GNA14: variants seen among roughly 807,000 people sequenced by gnomAD.
GNA14 encodes G protein subunit alpha 14.
A neutral mutation model predicts 42.0 loss-of-function variants in GNA14; 50 were observed. The ratio of observed to expected loss-of-function variants is 1.19; its 90% CI spans 0.95 to 1.51. GNA14 has a LOEUF of 1.51. GNA14 is among the 40% of genes most tolerant of loss of function. The pLI, the probability that GNA14 is intolerant of heterozygous loss-of-function variation, is 0.00. For synonymous variants in GNA14, 173 were observed against 163.1 expected (o/e 1.06, Z -0.46); for missense variants, 473 against 446.2 (o/e 1.06, Z -0.54).
At chr9:77,583,485 C>T (rs73651553) in intron 1 of GNA14, among the ~76,000 whole-genome samples, 286 of 152,314 alleles carry the variant, frequency 1.9e-3, no homozygotes, top group African/African-American at 5.7e-3. Flanking sequence ...TGGAATTTTA[C>T]TCGTTTTATG....
chr9:77,437,579 AGGAAG>A (rs1184176536), intron 2 of GNA14, among the ~76,000 whole-genome samples: 7 of 151,202 alleles, frequency 4.6e-5, no homozygotes, highest in African/African-American at 7.3e-5. Context: ...AGAGAGAGAG[AGGAAG>A]GGAAGGGAAG....
chr9:77,531,861 C>T (rs867427436), intron 1 of GNA14, among the ~76,000 whole-genome samples: 1 of 151,774 alleles, frequency 6.6e-6, no homozygotes, highest in South Asian at 2.1e-4. Context: ...AAAAAGAAAA[C>T]GTTAGAAGTG....
At chr9:77,620,750 G>A (rs765948851) in intron 1 of GNA14, among the ~76,000 whole-genome samples, 16 of 151,164 alleles carry the variant, frequency 1.1e-4, no homozygotes, top group Non-Finnish European at 1.9e-4. Context: ...TGGAGGCTGA[G>A]GCAGGAGAAT....
intron 1 of GNA14, among the ~76,000 whole-genome samples, chr9:77,642,027 C>T (rs554774866): frequency 1.9e-4 from 29 of 151,624 alleles, no homozygotes; most frequent in Admixed American, 9.8e-4. Context: ...AAAAAGTAAA[C>T]AAACAAAAAA....
intron 2 of GNA14, among the ~76,000 whole-genome samples, chr9:77,471,370 C>G (rs145991180): frequency 6.6e-6 from 1 of 152,160 alleles, no homozygotes; most frequent in African/African-American, 2.4e-5. Context: ...GAATAGGGGC[C>G]TCCCTAAAAT....
rs894888805 is a variant in GNA14 at position 77,552,500 on chromosome 9, C to T, written c.125-23247G>A. Among the ~76,000 whole-genome samples the T allele has an allele frequency of 2.6e-5, 4 of 152,142 alleles. No individual in the cohort carries two copies. In the South Asian group the frequency reaches 8.3e-4, roughly 32 times the overall value. ...ATTCTGTGATATGTCCCAAGTTACA[C>T]CAACTGGTGAATTTGATTCTCATTT... On this transcript the variant is annotated intron_variant, in intron 1 of 6. Transcript: ENST00000341700.
chr9:77,448,970 C>T (rs186395176), intron 2 of GNA14, among the ~76,000 whole-genome samples: 2 of 152,308 alleles, frequency 1.3e-5, no homozygotes, highest in Admixed American at 6.5e-5. Context: ...CAACTGGAAG[C>T]ATGTATAGCC....
At chr9:77,567,013 TACTA>T (rs1459163478) in intron 1 of GNA14, among the ~76,000 whole-genome samples, 6 of 152,140 alleles carry the variant, frequency 3.9e-5, no homozygotes, top group African/African-American at 1.2e-4. Flanking sequence ...CCTTCATGTG[TACTA>T]ACTGATAACA....
intron 1 of GNA14, among the ~76,000 whole-genome samples, chr9:77,618,199 C>A (rs1208801447): frequency 6.6e-6 from 1 of 152,110 alleles, no homozygotes; most frequent in African/African-American, 2.4e-5. Context: ...AAAATCTTCT[C>A]TCATAGCACA....
intron 2 of GNA14, among the ~76,000 whole-genome samples, chr9:77,499,929 T>C (rs931661851): frequency 2.6e-5 from 4 of 152,064 alleles, no homozygotes; most frequent in African/African-American, 9.7e-5. Flanking sequence ...CTGAGGACTA[T>C]ATAGCATTTA....
intron 1 of GNA14, among the ~76,000 whole-genome samples, chr9:77,591,976 G>A (rs553230644): frequency 3.7e-4 from 55 of 150,252 alleles, no homozygotes; most frequent in South Asian, 3.6e-3. Context: ...GTGCAGTGGC[G>A]CGATCTCAGC....
intron 2 of GNA14, among the ~76,000 whole-genome samples, chr9:77,519,472 A>G (rs755543219): frequency 6.6e-5 from 10 of 152,198 alleles, no homozygotes; most frequent in Admixed American, 1.3e-4. Context: ...ATTTGTTTAT[A>G]TCGGATTAGT....
chr9:77,574,731 C>T (rs961910034), intron 1 of GNA14, among the ~76,000 whole-genome samples: 1 of 152,100 alleles, frequency 6.6e-6, no homozygotes. Flanking sequence ...ATTTTTCTTG[C>T]TTATTTGCAC....
At chr9:77,544,692 GA>G (rs1166473300) in intron 1 of GNA14, among the ~76,000 whole-genome samples, 1 of 125,548 alleles carries the variant, frequency 8.0e-6, no homozygotes, top group East Asian at 2.2e-4. Flanking sequence ...AAAAAAAAAA[GA>G]AGGTTCATGG....
chr9:77,523,774 A>G (rs1192862188), intron 2 of GNA14, among the ~76,000 whole-genome samples: 1 of 152,212 alleles, frequency 6.6e-6, no homozygotes, highest in Non-Finnish European at 1.5e-5. Context: ...TTTTTTCTCA[A>G]GATGACTGAA....
At chr9:77,563,944 T>C (rs1352319714) in intron 1 of GNA14, among the ~76,000 whole-genome samples, 1 of 152,200 alleles carries the variant, frequency 6.6e-6, no homozygotes, top group African/African-American at 2.4e-5. Context: ...GTCATAAAGT[T>C]GGATGGCAAT....
intron 1 of GNA14, among the ~76,000 whole-genome samples, chr9:77,559,855 T>G (rs893606365): frequency 6.6e-6 from 1 of 152,252 alleles, no homozygotes; most frequent in Non-Finnish European, 1.5e-5. Flanking sequence ...ATTTTCAAGC[T>G]CAGCTTATAA....
At chr9:77,544,922 G>C (rs929875412) in intron 1 of GNA14, among the ~76,000 whole-genome samples, 1 of 152,132 alleles carries the variant, frequency 6.6e-6, no homozygotes, top group African/African-American at 2.4e-5. Flanking sequence ...TTTAAAAAGA[G>C]TATGAGAAGT....
At chr9:77,458,405 C>T (rs1390065684) in intron 2 of GNA14, among the ~76,000 whole-genome samples, 1 of 152,116 alleles carries the variant, frequency 6.6e-6, no homozygotes, top group Admixed American at 6.5e-5. Flanking sequence ...GCTGGCCACG[C>T]GCGCCTGAAC....
Sources: gnomAD v4.1 joint callset for allele counts (sites outside exome capture counted in the v4.1 genomes callset) on GRCh38, gnomAD v4.1.1 for gene constraint, MANE v1.5 for transcripts, NCBI Gene and HGNC (gene_info 2026-07-23, HGNC 2026-07-21) for gene names.